Variants in PTPRD observed in about 807,000 individuals in gnomAD.
The protein encoded by PTPRD is protein tyrosine phosphatase receptor type D, also known as receptor-type tyrosine-protein phosphatase delta.
PTPRD carries 34 observed loss-of-function variants against 214.5 expected under a neutral mutation model. The ratio of observed to expected loss-of-function variants is 0.16; its 90% CI spans 0.12 to 0.21. PTPRD has a LOEUF of 0.21. Among genes scored for constraint, PTPRD ranks in the 10% least tolerant of loss-of-function variants. The probability of loss-of-function intolerance (pLI) is 1.00; values close to 1 mark genes in which losing one functional copy is unlikely to be tolerated. For missense variants in PTPRD, 2,545 were observed against 2,398.7 expected (o/e 1.06, Z -1.27); for synonymous variants, 1,128 against 845.7 (o/e 1.33, Z -5.79).
At chr9:10,511,407 A>T (rs1490972578) in intron 2 of PTPRD, among the ~76,000 whole-genome samples, 1 of 151,538 alleles carries the variant, frequency 6.6e-6, no homozygotes, top group East Asian at 1.9e-4. Flanking sequence ...ATTTCTCTTT[A>T]TTTATGTATT....
intron 5 of PTPRD, among the ~76,000 whole-genome samples, chr9:9,880,972 G>A (rs2068495940): frequency 6.6e-6 from 1 of 151,980 alleles, no homozygotes; most frequent in African/African-American, 2.4e-5. Flanking sequence ...CAGTACCTAT[G>A]TGTAGTCAAA....
In PTPRD at chr9:9,845,092, CTATATA is replaced by C. The variant is rs1355730415; in HGVS notation, c.-367-78247_-367-78242del. On this transcript the variant is annotated intron_variant, in intron 5 of 45. Coordinates refer to ENST00000381196, the MANE Select transcript of PTPRD (RefSeq NM_002839.4). ...TATATATATTGCTCTATATATATAGCTATATATATACTGCTATATATATTGCTCTAT... is the reference window on the plus strand; with the variant it reads ...TATATATATTGCTCTATATATATAGCTATACTGCTATATATATTGCTCTAT... Among the ~76,000 whole-genome samples, 5 of 98,892 alleles carry C rather than the reference CTATATA, an allele frequency of 5.1e-5. No individual in the cohort carries two copies. In the East Asian group the frequency reaches 4.7e-3, roughly 93 times the overall value. 64.9% of individuals were successfully genotyped at this position (98,892 alleles called of 152,430 possible). A position where few individuals can be genotyped will look rare whatever the true frequency, so the allele number is the denominator to read the frequency against.
chr9:8,399,038 C>G (rs904718621), intron 36 of PTPRD, among the ~76,000 whole-genome samples: 2 of 149,638 alleles, frequency 1.3e-5, no homozygotes, highest in African/African-American at 4.9e-5. Flanking sequence ...CCATTTAAAT[C>G]TGTTTTGGTG....
At chr9:10,472,238 G>C (rs909849864) in intron 2 of PTPRD, among the ~76,000 whole-genome samples, 3 of 152,058 alleles carry the variant, frequency 2.0e-5, no homozygotes, top group Admixed American at 2.0e-4. Flanking sequence ...AGAACTTTAT[G>C]CATAATGAAC....
At chr9:8,440,567 G>A (rs997267980) in intron 34 of PTPRD, among the ~76,000 whole-genome samples, 3 of 152,170 alleles carry the variant, frequency 2.0e-5, no homozygotes, top group African/African-American at 4.8e-5. Context: ...CCTGCCTCGG[G>A]CTCCCAAAGT....
chr9:9,834,845 CAGTT>C (rs1431639232), intron 5 of PTPRD, among the ~76,000 whole-genome samples: 3 of 151,906 alleles, frequency 2.0e-5, no homozygotes, highest in Non-Finnish European at 4.4e-5. Flanking sequence ...TTGGTGATAA[CAGTT>C]AGAGTTCCAG....
At chr9:10,531,165 G>C (rs2056167883) in intron 2 of PTPRD, among the ~76,000 whole-genome samples, 1 of 151,980 alleles carries the variant, frequency 6.6e-6, no homozygotes, top group Non-Finnish European at 1.5e-5. Flanking sequence ...GGTCAGGCTG[G>C]TCTTAAACTC....
intron 2 of PTPRD, among the ~76,000 whole-genome samples, chr9:10,480,569 CAA>C (rs949832546): frequency 1.2e-4 from 18 of 151,392 alleles, no homozygotes; most frequent in African/African-American, 4.1e-4. Context: ...AGAAAGCATG[CAA>C]AAGACAATGA....
chr9:10,030,510 T>A (rs961066835), intron 4 of PTPRD, among the ~76,000 whole-genome samples: 4 of 152,132 alleles, frequency 2.6e-5, no homozygotes, highest in Non-Finnish European at 5.9e-5. Context: ...CAAGAGTAGA[T>A]GAGTTCTATC....
intron 14 of PTPRD, among the ~76,000 whole-genome samples, chr9:8,534,806 TTAAGGTGGTCAAA>T (rs2139881474): frequency 6.6e-6 from 1 of 151,948 alleles, no homozygotes; most frequent in Non-Finnish European, 1.5e-5. Flanking sequence ...CACATTGGTC[TTAAGGTGGTCAAA>T]TAAGGTGGCC....
intron 9 of PTPRD, among the ~76,000 whole-genome samples, chr9:9,387,455 A>T (rs1290320527): frequency 6.6e-6 from 1 of 152,158 alleles, no homozygotes. Context: ...CCTAGAGTAC[A>T]GACTTTTTTC....
chr9:10,317,129 G>A (rs570062499), intron 3 of PTPRD, among the ~76,000 whole-genome samples: 1 of 151,830 alleles, frequency 6.6e-6, no homozygotes, highest in African/African-American at 2.4e-5. Flanking sequence ...CTAACATTTT[G>A]AGCAATATAG....
At chr9:10,579,122 G>A (rs1033060072) in intron 2 of PTPRD, among the ~76,000 whole-genome samples, 1 of 151,874 alleles carries the variant, frequency 6.6e-6, no homozygotes, top group African/African-American at 2.4e-5. Context: ...CCCTCCCTGT[G>A]TGGATTACTA....
intron 2 of PTPRD, among the ~76,000 whole-genome samples, chr9:10,519,042 C>T (rs1278085405): frequency 6.6e-6 from 1 of 151,726 alleles, no homozygotes; most frequent in African/African-American, 2.4e-5. Flanking sequence ...TACCTTTTGC[C>T]TCCCAGCTTT....
In PTPRD at chr9:8,319,813, T is replaced by C; in HGVS notation, c.5670+18A>G. ...ACGTAGGCTCTTGAGATGCGAAAAA[T>C]GCAATGGATTTTCTCACCTCTGTCT... On this transcript the variant is annotated intron_variant, in intron 45 of 45. Transcript: ENST00000381196. 6.2e-7 allele frequency: 1 copy of C among 1,611,234 alleles called. No homozygotes were observed. Among genetic ancestry groups the C allele is most frequent in the Non-Finnish European group, 8.5e-7 (1 of 1,178,802 alleles).
intron 2 of PTPRD, among the ~76,000 whole-genome samples, chr9:10,429,732 G>A (rs2098659478): frequency 1.3e-5 from 2 of 150,594 alleles, no homozygotes; most frequent in African/African-American, 4.9e-5. Flanking sequence ...TGAAGACTCA[G>A]GGGGCTAAGG....
chr9:10,040,022 C>A lies in PTPRD; in HGVS notation c.-544-6232G>T, dbSNP rs894063047. Among the ~76,000 whole-genome samples the A allele has an allele frequency of 7.2e-5, 11 of 151,976 alleles. No homozygotes were observed. In the East Asian group the frequency reaches 1.9e-3, roughly 27 times the overall value. The stretch of plus-strand genomic sequence containing the variant: ...TAGCAGTCAGAATTTCAAAGGCATG[C>A]ACGTTGTTTTCAGCAATGCATGGCT... On this transcript the variant is annotated intron_variant, in intron 3 of 45. Transcript: ENST00000381196.
intron 9 of PTPRD, among the ~76,000 whole-genome samples, chr9:9,282,925 G>GTTAGATTACACTATTCTA (rs1948217125): frequency 6.6e-6 from 1 of 151,404 alleles, no homozygotes; most frequent in Non-Finnish European, 1.5e-5. Context: ...CTTTCAATAT[G>GTTAGATTACACTATTCTA]TTAGATTACA....
intron 23 of PTPRD, among the ~76,000 whole-genome samples, chr9:8,503,136 C>T (rs1398917196): frequency 6.6e-6 from 1 of 151,772 alleles, no homozygotes; most frequent in Non-Finnish European, 1.5e-5. Flanking sequence ...AATAATCATG[C>T]TTTAAAGAGG....
Sources: allele counts gnomAD v4.1 joint callset (sites outside exome capture counted in the v4.1 genomes callset), GRCh38; gene constraint gnomAD v4.1.1; transcripts MANE v1.5; gene names NCBI Gene and HGNC (gene_info 2026-07-23, HGNC 2026-07-21).